Variants in PDLIM1 observed in about 807,000 individuals in gnomAD.
PDLIM1 encodes the protein PDZ and LIM domain protein 1.
In PDLIM1, 25 loss-of-function variants were observed where a neutral mutation model predicts 35.2. The observed-to-expected ratio is 0.71, with a 90% CI of 0.52 to 0.99. The LOEUF (loss-of-function observed/expected upper bound fraction) is 0.99. Ranked by LOEUF, PDLIM1 falls within the 50% of genes least tolerant of loss-of-function variation. The pLI is 0.00. For missense variants in PDLIM1, 363 were observed against 415.3 expected, an observed-to-expected ratio of 0.87 and a Z score of 1.09; for synonymous variants, 152 against 154.0, an observed-to-expected ratio of 0.99 and a Z score of 0.10.
Position 95,263,855 on chromosome 10 carries a change from G to A in PDLIM1, c.533+9C>T. On this transcript the variant is annotated intron_variant, in intron 4 of 6. Coordinates refer to ENST00000329399, the MANE Select transcript of PDLIM1 (RefSeq NM_020992.4). The stretch of plus-strand genomic sequence containing the variant: ...GAGCGGCTCAGAGGAGGACTCCTGG[G>A]CTACTTACGGTCTGCTGTTCGCCTC... The A allele has an allele frequency of 1.2e-6, 2 of 1,602,364 alleles. No individual in the cohort carries two copies. Among genetic ancestry groups the A allele is most frequent in the African/African-American group, 2.7e-5 (2 of 74,900 alleles).
At chr10:95,242,540 A>G (rs2035187482) in intron 5 of PDLIM1, among the ~76,000 whole-genome samples, 1 of 151,984 alleles carries the variant, frequency 6.6e-6, no homozygotes, top group Non-Finnish European at 1.5e-5. Context: ...TACAGAAACT[A>G]GCCGGGCATT....
At chr10:95,262,954 G>A (rs1230850765) in intron 4 of PDLIM1, among the ~76,000 whole-genome samples, 2 of 152,130 alleles carry the variant, frequency 1.3e-5, no homozygotes, top group East Asian at 3.9e-4. Flanking sequence ...ACCAGCCTGG[G>A]CAACACAGTG....
intron 4 of PDLIM1, among the ~76,000 whole-genome samples, chr10:95,253,090 G>A (rs1188965666): frequency 6.6e-6 from 1 of 152,050 alleles, no homozygotes; most frequent in Non-Finnish European, 1.5e-5. Context: ...GTAAATTTCT[G>A]AAAACTACAA....
chr10:95,240,295 G>A (rs2035167536), intron 5 of PDLIM1, among the ~76,000 whole-genome samples: 1 of 152,148 alleles, frequency 6.6e-6, no homozygotes, highest in Non-Finnish European at 1.5e-5. Context: ...TATACACCAG[G>A]GAATACTATG....
intron 5 of PDLIM1, chr10:95,238,931 T>C (rs12778797): frequency 0.36 from 142,743 of 399,630 alleles, 27,863 homozygotes; most frequent in Middle Eastern, 0.47. Context: ...GCAAAAACAA[T>C]AAAGCTGGAA....
intron 1 of PDLIM1, among the ~76,000 whole-genome samples, chr10:95,274,576 C>T (rs569957272): frequency 1.6e-4 from 25 of 152,042 alleles, no homozygotes; most frequent in African/African-American, 5.8e-4. Flanking sequence ...GGATTACAGG[C>T]GTGAGCCACC....
At chr10:95,258,507 AAAG>A in intron 4 of PDLIM1, among the ~76,000 whole-genome samples, 1 of 152,278 alleles carries the variant, frequency 6.6e-6, no homozygotes, top group Non-Finnish European at 1.5e-5. Flanking sequence ...GTCTCAAAAA[AAAG>A]AAAAGAAGAA....
In PDLIM1 at chr10:95,264,035, T is replaced by C; in HGVS notation, c.362A>G (p.Asn121Ser). Residue 121 changes from asparagine (N) to serine (S), a missense_variant, in exon 4 of 7, where the codon AAC (asparagine) becomes AGC (serine). By Grantham distance (46) the Asn-to-Ser change is conservative. Transcript: ENST00000329399. Reference protein sequence around the residue: ...QEVLHIGSAHNRSAMPFTASP... With the variant: ...QEVLHIGSAHSRSAMPFTASP... Reference sequence around the variant, plus strand: ...GGCGGTAAAGGGCATGGCACTTCGGTTGTGGGCGCTTCCTATGTGCAGGAC... The same window carrying C: ...GGCGGTAAAGGGCATGGCACTTCGGCTGTGGGCGCTTCCTATGTGCAGGAC... 1 of 1,613,554 alleles carries C rather than the reference T, an allele frequency of 6.2e-7. No individual in the cohort carries two copies.
chr10:95,286,561 T>C (rs1259723198), intron 1 of PDLIM1, among the ~76,000 whole-genome samples: 1 of 152,136 alleles, frequency 6.6e-6, no homozygotes, highest in Non-Finnish European at 1.5e-5. Flanking sequence ...GCCCTGGACA[T>C]TGTACCAGGC....
intron 4 of PDLIM1, among the ~76,000 whole-genome samples, chr10:95,256,226 G>A (rs888220810): frequency 6.6e-6 from 1 of 152,126 alleles, no homozygotes; most frequent in Non-Finnish European, 1.5e-5. Context: ...GACATCTCAT[G>A]TTCATGGACT....
chr10:95,239,553 T>C (rs1333586852), intron 5 of PDLIM1, among the ~76,000 whole-genome samples: 4 of 152,320 alleles, frequency 2.6e-5, no homozygotes, highest in Admixed American at 2.0e-4. Context: ...CCCAACACTT[T>C]GGGAGGCCGA....
At chr10:95,278,329 G>A (rs2035531216) in intron 1 of PDLIM1, among the ~76,000 whole-genome samples, 1 of 152,204 alleles carries the variant, frequency 6.6e-6, no homozygotes, top group Admixed American at 6.5e-5. Flanking sequence ...TTCAGGCAGA[G>A]CCCCCACTGT....
intron 1 of PDLIM1, among the ~76,000 whole-genome samples, chr10:95,280,090 T>C (rs111695942): frequency 9.2e-5 from 14 of 152,266 alleles, no homozygotes; most frequent in African/African-American, 3.4e-4. Flanking sequence ...AAAAACAAAT[T>C]TTAGGCCAGG....
At chr10:95,244,726 C>A (rs2035204466) in intron 5 of PDLIM1, among the ~76,000 whole-genome samples, 1 of 151,936 alleles carries the variant, frequency 6.6e-6, no homozygotes. Context: ...ATGGAGAAAC[C>A]CCATCTCTAT....
At chr10:95,274,640 T>C (rs999634591) in intron 1 of PDLIM1, among the ~76,000 whole-genome samples, 1 of 152,174 alleles carries the variant, frequency 6.6e-6, no homozygotes, top group Non-Finnish European at 1.5e-5. Flanking sequence ...ACGGCACTGG[T>C]CACTTTATGT....
intron 3 of PDLIM1, among the ~76,000 whole-genome samples, chr10:95,268,455 A>C (rs796410030): frequency 2.6e-5 from 4 of 152,224 alleles, no homozygotes; most frequent in South Asian, 4.1e-4. Context: ...GCTGAAATCC[A>C]TAACGAGCTG....
Position 95,247,346 on chromosome 10 carries a change from G to A in PDLIM1, c.554C>T (p.Pro185Leu). 1 of 1,613,878 alleles carries A rather than the reference G, an allele frequency of 6.2e-7. No individual in the cohort carries two copies. The highest frequency in any genetic ancestry group is 8.5e-7 in the Non-Finnish European group (1 of 1,179,844). ...TTCTTTGTCGATGACAAGGCTGCTT[G>A]GAGGCTGAGCATGGTCTAAGCTGTA... Reference protein sequence around the residue: ...NSRPLDHAQPPSSLVIDKESE... With the variant: ...NSRPLDHAQPLSSLVIDKESE... Residue 185 changes from proline to leucine, a missense_variant, in exon 5 of 7, where the codon CCA becomes CTA. Coordinates refer to ENST00000329399, the MANE Select transcript of PDLIM1 (RefSeq NM_020992.4).
chr10:95,255,486 T>C (rs1373232681), intron 4 of PDLIM1, among the ~76,000 whole-genome samples: 1 of 152,126 alleles, frequency 6.6e-6, no homozygotes, highest in East Asian at 1.9e-4. Flanking sequence ...TTTTAACATA[T>C]AACAATCAAT....
At chr10:95,283,571 A>C (rs2035577123) in intron 1 of PDLIM1, among the ~76,000 whole-genome samples, 1 of 152,240 alleles carries the variant, frequency 6.6e-6, no homozygotes, top group South Asian at 2.1e-4. Flanking sequence ...TGTGCGGAAA[A>C]AGTCTGGAAA....
Sources: gnomAD v4.1 joint callset for allele counts (sites outside exome capture counted in the v4.1 genomes callset) on GRCh38, gnomAD v4.1.1 for gene constraint, MANE v1.5 for transcripts, NCBI Gene and HGNC (gene_info 2026-07-23, HGNC 2026-07-21) for gene names.